The following EGFLAM variants were observed in gnomAD, a reference collection of about 807,000 sequenced individuals.
EGFLAM encodes EGF like, fibronectin type III and laminin G domains, also known as pikachurin.
A neutral mutation model predicts 113.1 loss-of-function variants in EGFLAM; 79 were observed. The ratio of observed to expected loss-of-function variants is 0.70; its 90% CI spans 0.58 to 0.84. The LOEUF (loss-of-function observed/expected upper bound fraction) is 0.84. Ranked by LOEUF, EGFLAM falls within the 40% of genes least tolerant of loss-of-function variation. The pLI is 0.00. For synonymous variants in EGFLAM, 504 were observed against 487.6 expected, an observed-to-expected ratio of 1.03 and a Z score of -0.44; for missense variants, 1,265 against 1,291.6, an observed-to-expected ratio of 0.98 and a Z score of 0.32.
At chr5:38,381,931 TC>T (rs911954863) in intron 6 of EGFLAM, among the ~76,000 whole-genome samples, 1 of 152,178 alleles carries the variant, frequency 6.6e-6, no homozygotes, top group African/African-American at 2.4e-5. Context: ...AAGATTCGAT[TC>T]CTCAAGCGTG....
intron 10 of EGFLAM, among the ~76,000 whole-genome samples, chr5:38,409,666 A>C (rs1741409562): frequency 6.6e-6 from 1 of 152,190 alleles, no homozygotes; most frequent in Non-Finnish European, 1.5e-5. Context: ...GATGGGAAGA[A>C]GGCTGGGGCC....
Position 38,338,986 on chromosome 5 carries a change from G to A in EGFLAM, c.291+205G>A, listed in dbSNP as rs1265360103. Among the ~76,000 whole-genome samples, 4 of 152,212 alleles carry A rather than the reference G, an allele frequency of 2.6e-5. No individual in the cohort carries two copies. The East Asian group carries it at 7.7e-4, about 29-fold the overall frequency. On this transcript the variant is annotated intron_variant, in intron 3 of 21. Transcript: ENST00000322350. ...TGGAAAACAGGCATCTGACGAAAGA[G>A]TCCTGGCGTAAACGCTTCCATCCTG... is the stretch of plus-strand genomic sequence containing the variant.
At chr5:38,324,491 C>T (rs969551083) in intron 1 of EGFLAM, among the ~76,000 whole-genome samples, 1 of 152,146 alleles carries the variant, frequency 6.6e-6, no homozygotes, top group African/African-American at 2.4e-5. Context: ...AAGGACACTT[C>T]AAACAAATAC....
At chr5:38,285,463 G>GTGTGTA (rs1299328899) in intron 1 of EGFLAM, among the ~76,000 whole-genome samples, 1 of 152,148 alleles carries the variant, frequency 6.6e-6, no homozygotes, top group African/African-American at 2.4e-5. Flanking sequence ...ACATTAGCAG[G>GTGTGTA]GAGGGTGGAA....
At chr5:38,373,546 A>T (rs1224411063) in intron 6 of EGFLAM, among the ~76,000 whole-genome samples, 1 of 152,320 alleles carries the variant, frequency 6.6e-6, no homozygotes, top group East Asian at 1.9e-4. Context: ...TATTTCACTT[A>T]GGATAATGAC....
rs1741710074 is a variant in EGFLAM, at chr5:38,418,092, G to T, written c.1521G>T (p.Arg507=). 1 of 1,613,886 alleles carries T rather than the reference G, an allele frequency of 6.2e-7. No homozygotes were observed. Among genetic ancestry groups the T allele is most frequent in the Admixed American group, 1.7e-5 (1 of 59,984 alleles). The change falls in exon 12 of 22, where the codon CGG becomes CGT. Residue 507 remains arginine (R), a synonymous_variant. Transcript: ENST00000322350. ...GCCAATACAGTAAAATTACTTTCCG[G>T]ACACCTCTCTATCTTGGTGGCGCTC... ...SQGQYSKITF[R]TPLYLGGAPS... is the part of the protein sequence containing the mutation.
intron 17 of EGFLAM, among the ~76,000 whole-genome samples, chr5:38,444,549 A>G (rs1319644226): frequency 6.6e-6 from 1 of 152,228 alleles, no homozygotes; most frequent in East Asian, 1.9e-4. Flanking sequence ...ATGTATCAAA[A>G]CATCACTATG....
At chr5:38,360,277 T>A (rs1001125558) in intron 5 of EGFLAM, among the ~76,000 whole-genome samples, 1 of 152,200 alleles carries the variant, frequency 6.6e-6, no homozygotes, top group African/African-American at 2.4e-5. Context: ...CATTTCTCAT[T>A]CAGAATTGAG....
At chr5:38,328,475 C>T (rs987447078) in intron 1 of EGFLAM, among the ~76,000 whole-genome samples, 13 of 152,116 alleles carry the variant, frequency 8.5e-5, no homozygotes, top group Middle Eastern at 3.2e-3. Flanking sequence ...AGGATAAGAA[C>T]GGATTTATGG....
At chr5:38,320,675 A>G (rs953384396) in intron 1 of EGFLAM, among the ~76,000 whole-genome samples, 1 of 152,126 alleles carries the variant, frequency 6.6e-6, no homozygotes, top group Admixed American at 6.5e-5. Flanking sequence ...GGAGATGCAT[A>G]GCTTTCCTGC....
chr5:38,302,543 G>A (rs1758608142), intron 1 of EGFLAM, among the ~76,000 whole-genome samples: 1 of 152,126 alleles, frequency 6.6e-6, no homozygotes, highest in Non-Finnish European at 1.5e-5. Context: ...CAAATGGTCA[G>A]TAAATTAGCA....
chr5:38,451,104 G>A (rs1383080668), intron 18 of EGFLAM, among the ~76,000 whole-genome samples: 2 of 152,218 alleles, frequency 1.3e-5, no homozygotes, highest in Non-Finnish European at 2.9e-5. Context: ...GCTCTCTGGT[G>A]GGGTTCACAG....
chr5:38,398,583 G>A (rs137946244), intron 6 of EGFLAM, among the ~76,000 whole-genome samples: 1 of 152,318 alleles, frequency 6.6e-6, no homozygotes, highest in East Asian at 1.9e-4. Context: ...TCTAAGCATA[G>A]AGAACAGCAT....
chr5:38,313,968 C>T (rs1366282), intron 1 of EGFLAM, among the ~76,000 whole-genome samples: 134,078 of 152,226 alleles, frequency 0.88, 59,173 homozygotes, highest in South Asian at 0.91. Context: ...GTTGTTGTTT[C>T]GACAGAAAGA....
chr5:38,444,764 G>T (rs180997523), intron 17 of EGFLAM, among the ~76,000 whole-genome samples: 12 of 152,238 alleles, frequency 7.9e-5, no homozygotes, highest in Admixed American at 7.9e-4. Context: ...GGCCAACATG[G>T]CGAAACCCCA....
intron 1 of EGFLAM, among the ~76,000 whole-genome samples, chr5:38,311,283 C>T (rs1738434323): frequency 6.6e-6 from 1 of 152,034 alleles, no homozygotes; most frequent in South Asian, 2.1e-4. Context: ...TCATGTTGTA[C>T]AATAGACCTC....
At chr5:38,365,055 A>G (rs1740023354) in intron 5 of EGFLAM, among the ~76,000 whole-genome samples, 1 of 152,150 alleles carries the variant, frequency 6.6e-6, no homozygotes, top group South Asian at 2.1e-4. Context: ...GTTCTGTTGT[A>G]TCCCCTAGAG....
chr5:38,445,624 C>A, intron 17 of EGFLAM: 1 of 1,598,428 alleles, frequency 6.3e-7, no homozygotes, highest in Non-Finnish European at 8.5e-7. Flanking sequence ...TGGGATTTGA[C>A]AAGGACTGTG....
At chr5:38,426,841 C>G (rs1742025650) in intron 13 of EGFLAM, among the ~76,000 whole-genome samples, 168 bp from the exon 14 acceptor site, 1 of 152,130 alleles carries the variant, frequency 6.6e-6, no homozygotes, top group South Asian at 2.1e-4. Flanking sequence ...ATGATTCTTC[C>G]ACCCATGTTC....
Sources: gnomAD v4.1 joint callset for allele counts (sites outside exome capture counted in the v4.1 genomes callset) on GRCh38, gnomAD v4.1.1 for gene constraint, MANE v1.5 for transcripts, NCBI Gene and HGNC (gene_info 2026-07-23, HGNC 2026-07-21) for gene names.